APPBP2: variants seen among roughly 807,000 people sequenced by gnomAD.
APPBP2 encodes amyloid beta precursor protein binding protein 2, also known as amyloid protein-binding protein 2.
A neutral mutation model predicts 76.0 loss-of-function variants in APPBP2; 15 were observed. The ratio of observed to expected loss-of-function variants is 0.20; its 90% CI spans 0.13 to 0.30. The LOEUF (loss-of-function observed/expected upper bound fraction) is 0.30, where lower values mean the gene tolerates loss of function less well. APPBP2 is among the 10% of genes least tolerant of loss of function. The pLI is 1.00. For missense variants in APPBP2, 401 were observed against 687.2 expected, an observed-to-expected ratio of 0.58 and a Z score of 4.66; for synonymous variants, 222 against 242.2, an observed-to-expected ratio of 0.92 and a Z score of 0.77.
At chr17:60,508,888 A>T (rs1164371388) in intron 1 of APPBP2, among the ~76,000 whole-genome samples, 1 of 152,208 alleles carries the variant, frequency 6.6e-6, no homozygotes, top group Admixed American at 6.5e-5. Flanking sequence ...GTATATACTG[A>T]TCAGCAAAAT....
rs573079812 is a variant in APPBP2, at chr17:60,445,231, G to A, written c.*2350C>T. 17 of 152,678 alleles carry A rather than the reference G, an allele frequency of 1.1e-4. No homozygotes were observed. Among genetic ancestry groups the A allele is most frequent in the African/African-American group, 4.1e-4 (17 of 41,530 alleles). The allele number at this position is 152,678 out of a possible 1,614,324, so 9.5% of individuals were successfully genotyped here. A position where few individuals can be genotyped will look rare whatever the true frequency, so the allele number is the denominator to read the frequency against. ...TACATTAAAGCAGTGGTGATAAGGA[G>A]AAACTGCCAATAATGATGTTTCAAA... is the stretch of plus-strand genomic sequence containing the variant. On this transcript the variant is annotated 3_prime_UTR_variant, in exon 13 of 13. Transcript: ENST00000083182.
intron 1 of APPBP2, among the ~76,000 whole-genome samples, chr17:60,511,036 G>A (rs1345520452): frequency 1.3e-5 from 2 of 152,076 alleles, no homozygotes; most frequent in African/African-American, 2.4e-5. Context: ...ATAGGTCAAT[G>A]GCATAATTTT....
At chr17:60,471,734 G>A (rs1296035683) in intron 4 of APPBP2, among the ~76,000 whole-genome samples, 2 of 151,988 alleles carry the variant, frequency 1.3e-5, no homozygotes. Context: ...TTTTGTTGAG[G>A]ATTTTTTCAT....
intron 1 of APPBP2, among the ~76,000 whole-genome samples, chr17:60,512,610 G>C (rs2143485765): frequency 6.6e-6 from 1 of 151,474 alleles, no homozygotes; most frequent in East Asian, 1.9e-4. Context: ...GCTGAGGCGG[G>C]AGGATCACGA....
intron 11 of APPBP2, among the ~76,000 whole-genome samples, chr17:60,452,605 G>C (rs926298571): frequency 6.6e-6 from 1 of 152,100 alleles, no homozygotes. Context: ...TTTACTTACT[G>C]TGATCCCAAA....
chr17:60,481,888 A>G (rs771768438), intron 3 of APPBP2, among the ~76,000 whole-genome samples: 122 of 152,256 alleles, frequency 8.0e-4, no homozygotes, highest in Non-Finnish European at 1.6e-3. Context: ...ATAGGTTACT[A>G]TTTCTTTTTT....
intron 4 of APPBP2, among the ~76,000 whole-genome samples, chr17:60,473,290 T>C (rs926538540): frequency 1.3e-5 from 2 of 152,202 alleles, no homozygotes; most frequent in South Asian, 4.1e-4. Flanking sequence ...CTAGCACTGA[T>C]AATGTTTAAA....
chr17:60,465,715 C>T (rs1190252849), intron 5 of APPBP2, among the ~76,000 whole-genome samples: 3 of 151,952 alleles, frequency 2.0e-5, no homozygotes, highest in Non-Finnish European at 2.9e-5. Flanking sequence ...AACTACAACA[C>T]GAGGCCCAAC....
intron 12 of APPBP2, among the ~76,000 whole-genome samples, chr17:60,449,374 C>T (rs1248131642): frequency 6.6e-6 from 1 of 152,118 alleles, no homozygotes; most frequent in Non-Finnish European, 1.5e-5. Flanking sequence ...GGCAGGCTGC[C>T]TGAGGTCAGA....
intron 1 of APPBP2, among the ~76,000 whole-genome samples, chr17:60,504,351 T>C (rs1410009600): frequency 1.3e-5 from 2 of 151,952 alleles, no homozygotes; most frequent in Non-Finnish European, 1.5e-5. Context: ...CAGAACAAAA[T>C]GCAAAGTTCA....
intron 1 of APPBP2, among the ~76,000 whole-genome samples, chr17:60,512,845 A>AG (rs1216311425): frequency 2.7e-5 from 4 of 150,266 alleles, no homozygotes. Flanking sequence ...AAAAAAAAAA[A>AG]AAAAAAAAAG....
chr17:60,482,638 A>T (rs2090639337), intron 3 of APPBP2, among the ~76,000 whole-genome samples: 1 of 152,000 alleles, frequency 6.6e-6, no homozygotes, highest in Non-Finnish European at 1.5e-5. Flanking sequence ...CCTGTGTCCA[A>T]GTGTTCTCAT....
chr17:60,485,342 T>C (rs1337512708), intron 3 of APPBP2, among the ~76,000 whole-genome samples: 2 of 152,176 alleles, frequency 1.3e-5, no homozygotes, highest in African/African-American at 4.8e-5. Flanking sequence ...TAGACTTCTT[T>C]TGGTTGGTAG....
At chr17:60,469,318 C>T (rs1211615444) in intron 4 of APPBP2, among the ~76,000 whole-genome samples, 3 of 133,032 alleles carry the variant, frequency 2.3e-5, no homozygotes, top group Non-Finnish European at 4.6e-5. Context: ...GAGCAAGACT[C>T]CATCTCAAAA....
At chr17:60,465,025 TCAAA>T (rs1158103791) in intron 5 of APPBP2, 1 of 152,064 alleles carries the variant, frequency 6.6e-6, no homozygotes, top group Non-Finnish European at 1.5e-5. Context: ...AGACGCTGTC[TCAAA>T]CAAACAGACA....
At chr17:60,468,987 T>A (rs2090531229) in intron 4 of APPBP2, among the ~76,000 whole-genome samples, 1 of 152,252 alleles carries the variant, frequency 6.6e-6, no homozygotes, top group East Asian at 1.9e-4. Flanking sequence ...CAGCCAGACA[T>A]GACGAAAGTA....
intron 1 of APPBP2, among the ~76,000 whole-genome samples, chr17:60,519,632 C>T (rs1364354230): frequency 6.6e-6 from 1 of 151,766 alleles, no homozygotes; most frequent in African/African-American, 2.4e-5. Context: ...CACTGCACTA[C>T]AGCCTGGGAG....
At chr17:60,466,177 T>C (rs2090509357) in intron 5 of APPBP2, 114 bp downstream of exon 5, 1 of 1,066,482 alleles carries the variant, frequency 9.4e-7, no homozygotes, top group African/African-American at 1.6e-5. Context: ...CTGCCTTATA[T>C]AAACCTAATA....
At chr17:60,506,740 A>T (rs1490519593) in intron 1 of APPBP2, among the ~76,000 whole-genome samples, 3 of 152,064 alleles carry the variant, frequency 2.0e-5, no homozygotes, top group South Asian at 4.1e-4. Flanking sequence ...TTTCTTTTTT[A>T]AAAAAAACAT....
Sources: gnomAD v4.1 joint callset for allele counts (sites outside exome capture counted in the v4.1 genomes callset) on GRCh38, gnomAD v4.1.1 for gene constraint, MANE v1.5 for transcripts, NCBI Gene and HGNC (gene_info 2026-07-23, HGNC 2026-07-21) for gene names.